Variants in LRRC1 observed in about 807,000 individuals in gnomAD.
The protein encoded by LRRC1 is leucine rich repeat containing 1, also known as leucine-rich repeat-containing protein 1.
A neutral mutation model predicts 69.9 loss-of-function variants in LRRC1; 28 were observed. The observed-to-expected ratio is 0.40, with a 90% CI of 0.30 to 0.55. The LOEUF (loss-of-function observed/expected upper bound fraction) is 0.55. Ranked by LOEUF, LRRC1 falls within the 20% of genes least tolerant of loss-of-function variation. The pLI, the probability that LRRC1 is intolerant of heterozygous loss-of-function variation, is 0.47. For synonymous variants in LRRC1, 236 were observed against 240.2 expected (o/e 0.98, Z 0.16); for missense variants, 498 against 609.0 (o/e 0.82, Z 1.92).
At chr6:53,915,556 C>G (rs1310053547) in intron 11 of LRRC1, among the ~76,000 whole-genome samples, 2 of 152,192 alleles carry the variant, frequency 1.3e-5, no homozygotes, top group Admixed American at 6.5e-5. Context: ...TTTGCTGGTT[C>G]TTGCCACACT....
chr6:53,795,222 G>T lies in LRRC1; in HGVS notation c.-35G>T. 1 of 1,565,988 alleles carries T rather than the reference G, an allele frequency of 6.4e-7. No individual in the cohort carries two copies. Among genetic ancestry groups the T allele is most frequent in the South Asian group, 1.2e-5 (1 of 85,918 alleles). On this transcript the variant is annotated 5_prime_UTR_variant, in exon 1 of 14. Coordinates refer to ENST00000370888, the MANE Select transcript of LRRC1 (RefSeq NM_018214.5). ...CGGGCTCGGAGCCCGGGTCTCCGCC[G>T]CTCGGGACCCGGCTAGGCGGCGGCG...
At chr6:53,817,173 C>T (rs1047618343) in intron 1 of LRRC1, among the ~76,000 whole-genome samples, 1 of 152,094 alleles carries the variant, frequency 6.6e-6, no homozygotes, top group Non-Finnish European at 1.5e-5. Flanking sequence ...CCTCATGAGC[C>T]CTGGGGCATC....
intron 13 of LRRC1, among the ~76,000 whole-genome samples, chr6:53,921,384 A>T (rs935905310): frequency 6.6e-6 from 1 of 152,016 alleles, no homozygotes; most frequent in Non-Finnish European, 1.5e-5. Flanking sequence ...AATTGTTCCC[A>T]GTGAATGCTG....
chr6:53,826,311 C>T (rs907948511), intron 1 of LRRC1, among the ~76,000 whole-genome samples: 5 of 151,548 alleles, frequency 3.3e-5, no homozygotes, highest in South Asian at 2.1e-4. Flanking sequence ...CAACCTAGAG[C>T]CTAATTTTGG....
At chr6:53,901,670 G>A (rs1489725608) in intron 8 of LRRC1, among the ~76,000 whole-genome samples, 1 of 152,200 alleles carries the variant, frequency 6.6e-6, no homozygotes, top group Non-Finnish European at 1.5e-5. Context: ...AGACTTCTCT[G>A]TTGGGGTGAG....
intron 10 of LRRC1, among the ~76,000 whole-genome samples, chr6:53,905,670 G>C (rs964688113): frequency 6.6e-6 from 1 of 152,074 alleles, no homozygotes; most frequent in African/African-American, 2.4e-5. Context: ...CACATCTCAG[G>C]GTATCTGAAC....
At chr6:53,845,718 A>T (rs1167643927) in intron 2 of LRRC1, among the ~76,000 whole-genome samples, 6 of 152,222 alleles carry the variant, frequency 3.9e-5, no homozygotes, top group Admixed American at 3.9e-4. Flanking sequence ...GCAAGGAATT[A>T]TCTGAGACTT....
intron 10 of LRRC1, among the ~76,000 whole-genome samples, chr6:53,908,872 TA>T (rs1366039316): frequency 5.9e-5 from 9 of 152,174 alleles, no homozygotes; most frequent in Middle Eastern, 6.3e-3. Context: ...AAATGGCAAC[TA>T]ATGTGAAACA....
chr6:53,875,589 G>GA (rs1767039398), intron 2 of LRRC1, among the ~76,000 whole-genome samples: 1 of 151,298 alleles, frequency 6.6e-6, no homozygotes, highest in Non-Finnish European at 1.5e-5. Flanking sequence ...TTTGTAATCA[G>GA]GAAAAAAATC....
chr6:53,805,905 C>T (rs577977815), intron 1 of LRRC1, among the ~76,000 whole-genome samples: 63 of 152,316 alleles, frequency 4.1e-4, no homozygotes, highest in Non-Finnish European at 6.9e-4. Context: ...TACAGTCTGG[C>T]GGCATGCCAT....
chr6:53,868,670 ATCT>A (rs1272724046), intron 2 of LRRC1, among the ~76,000 whole-genome samples: 1 of 152,148 alleles, frequency 6.6e-6, no homozygotes, highest in Non-Finnish European at 1.5e-5. Flanking sequence ...TGTGAGTATC[ATCT>A]TTTTTATAGG....
intron 1 of LRRC1, among the ~76,000 whole-genome samples, chr6:53,819,515 GA>G (rs1765054154): frequency 6.6e-6 from 1 of 152,064 alleles, no homozygotes; most frequent in Non-Finnish European, 1.5e-5. Context: ...TTTAGTCTTG[GA>G]ATGAGGAGGT....
chr6:53,867,875 G>T (rs1209668481), intron 2 of LRRC1, among the ~76,000 whole-genome samples: 2 of 150,588 alleles, frequency 1.3e-5, no homozygotes, highest in Admixed American at 1.3e-4. Flanking sequence ...GATTATTGGA[G>T]CCTCGAGATC....
rs962256922 is a variant in LRRC1, at chr6:53,811,351, C to T, written c.159+15936C>T. On this transcript the variant is annotated intron_variant, in intron 1 of 13. Coordinates refer to ENST00000370888, the MANE Select transcript of LRRC1 (RefSeq NM_018214.5). ...TGCTATCCACCTGAGAGGCAGGTGA[C>T]GATGGTGGCTGAGTCAGCATGTCCT... Among the ~76,000 whole-genome samples the T allele has an allele frequency of 3.9e-5, 6 of 152,312 alleles. No individual in the cohort carries two copies. The South Asian group carries it at 8.3e-4, about 21-fold the overall frequency.
chr6:53,913,800 A>G (rs1768485257), intron 10 of LRRC1, 54 bp from the exon 11 acceptor site: 3 of 1,181,186 alleles, frequency 2.5e-6, no homozygotes, highest in African/African-American at 1.5e-5. Flanking sequence ...CTCTGATCCT[A>G]CTCCATCTCC....
At chr6:53,822,756 G>A (rs1562030756) in intron 1 of LRRC1, among the ~76,000 whole-genome samples, 1 of 152,116 alleles carries the variant, frequency 6.6e-6, no homozygotes. Flanking sequence ...TGGTCCTGGT[G>A]GAATATGCTC....
intron 2 of LRRC1, among the ~76,000 whole-genome samples, chr6:53,845,937 C>G (rs1224772837): frequency 6.6e-6 from 1 of 152,194 alleles, no homozygotes; most frequent in Non-Finnish European, 1.5e-5. Context: ...CTCAGGCACC[C>G]CTGCACCCTC....
chr6:53,836,469 T>TATTATC (rs1765616097), intron 1 of LRRC1, among the ~76,000 whole-genome samples: 2 of 152,294 alleles, frequency 1.3e-5, no homozygotes, highest in South Asian at 4.1e-4. Flanking sequence ...ACTGCTGTAT[T>TATTATC]ATTATCATTA....
intron 8 of LRRC1, among the ~76,000 whole-genome samples, chr6:53,900,195 G>A (rs1018756478): frequency 4.0e-5 from 6 of 151,810 alleles, no homozygotes; most frequent in South Asian, 2.1e-4. Flanking sequence ...CCGCCACCAC[G>A]CCCGGGTAAT....
Sources: gnomAD v4.1 joint callset for allele counts (sites outside exome capture counted in the v4.1 genomes callset) on GRCh38, gnomAD v4.1.1 for gene constraint, MANE v1.5 for transcripts, NCBI Gene and HGNC (gene_info 2026-07-23, HGNC 2026-07-21) for gene names.